Variants in FER1L6 observed in about 807,000 individuals in gnomAD.
FER1L6 encodes the protein fer-1-like protein 6.
Under a neutral mutation model 219.2 loss-of-function variants are expected in FER1L6, and 177 were observed. The ratio of observed to expected loss-of-function variants is 0.81; its 90% CI spans 0.71 to 0.91. The LOEUF (loss-of-function observed/expected upper bound fraction) is 0.91. FER1L6 is among the 40% of genes least tolerant of loss of function. The pLI is 0.00. For missense variants in FER1L6, 2,153 were observed against 2,259.9 expected (o/e 0.95, Z 0.96); for synonymous variants, 768 against 824.3 (o/e 0.93, Z 1.17).
chr8:124,045,242 T>G (rs193105690), intron 20 of FER1L6, among the ~76,000 whole-genome samples: 3 of 152,098 alleles, frequency 2.0e-5, no homozygotes, highest in Admixed American at 2.0e-4. Context: ...ATGGCGAGAG[T>G]GGGTGAGGTT....
At chr8:124,058,224 G>T (rs910027124) in intron 22 of FER1L6, among the ~76,000 whole-genome samples, 1 of 152,126 alleles carries the variant, frequency 6.6e-6, no homozygotes, top group Non-Finnish European at 1.5e-5. Context: ...CCCTAAGAGT[G>T]AGTGCCTCCT....
intron 1 of FER1L6, among the ~76,000 whole-genome samples, chr8:123,945,369 G>A (rs1245324825): frequency 6.6e-6 from 1 of 152,158 alleles, no homozygotes; most frequent in African/African-American, 2.4e-5. Flanking sequence ...GTGCAATGAG[G>A]GAGAGAAGGT....
At chr8:123,954,458 G>A (rs763229950) in intron 1 of FER1L6, among the ~76,000 whole-genome samples, 1 of 152,106 alleles carries the variant, frequency 6.6e-6, no homozygotes, top group South Asian at 2.1e-4. Flanking sequence ...GACATACATT[G>A]AATAAGTGAG....
intron 1 of FER1L6, among the ~76,000 whole-genome samples, chr8:123,866,363 C>A (rs764194507): frequency 1.3e-5 from 2 of 151,552 alleles, no homozygotes; most frequent in African/African-American, 4.9e-5. Context: ...TATATATACA[C>A]ACTACATTTT....
chr8:123,988,131 C>T (rs1000224177), intron 12 of FER1L6, among the ~76,000 whole-genome samples: 1 of 146,166 alleles, frequency 6.8e-6, no homozygotes, highest in Non-Finnish European at 1.5e-5. Flanking sequence ...AAAAAGAGTT[C>T]AGTATAGATG....
intron 12 of FER1L6, among the ~76,000 whole-genome samples, chr8:123,991,703 C>G (rs1240591816): frequency 6.6e-6 from 1 of 152,144 alleles, no homozygotes; most frequent in African/African-American, 2.4e-5. Context: ...TGCCTGATTG[C>G]TCTGGTTAGG....
intron 13 of FER1L6, among the ~76,000 whole-genome samples, chr8:124,006,314 A>G (rs1336354772): frequency 6.6e-6 from 1 of 152,152 alleles, no homozygotes; most frequent in African/African-American, 2.4e-5. Flanking sequence ...TGCACCTCAT[A>G]TCAGTGCTGT....
Position 124,097,252 on chromosome 8 carries a change from TA to T in FER1L6, c.4696-18del, listed in dbSNP as rs1376891267. 4.4e-6 allele frequency: 7 copies of T among 1,599,388 alleles called. No homozygotes were observed. Among genetic ancestry groups the T allele is most frequent in the Non-Finnish European group, 6.0e-6 (7 of 1,167,370 alleles). On this transcript the variant is annotated intron_variant, in intron 35 of 40. Transcript: ENST00000522917. ...AGCCCCCTCCCAAAGCTAAAGAAGA[TA>T]TTTTTTTTCTTAACAAGGGCCGCCT...
intron 22 of FER1L6, among the ~76,000 whole-genome samples, chr8:124,055,538 C>T (rs903892067): frequency 1.3e-5 from 2 of 152,148 alleles, no homozygotes; most frequent in African/African-American, 4.8e-5. Flanking sequence ...GCCTTCTTTT[C>T]CATTCTCCAT....
chr8:124,051,787 TCTA>T (rs752248216), intron 22 of FER1L6, among the ~76,000 whole-genome samples: 7 of 152,178 alleles, frequency 4.6e-5, no homozygotes, highest in Non-Finnish European at 8.8e-5. Flanking sequence ...CCTGCCCAGG[TCTA>T]CAGCCTTGGG....
chr8:124,079,204 A>G (rs1586677367), intron 32 of FER1L6, among the ~76,000 whole-genome samples: 2 of 152,076 alleles, frequency 1.3e-5, no homozygotes, highest in African/African-American at 4.8e-5. Flanking sequence ...CATCCTAATG[A>G]CCTCATTATA....
At chr8:124,115,582 C>T (rs1823213072) in intron 39 of FER1L6, among the ~76,000 whole-genome samples, 1 of 152,130 alleles carries the variant, frequency 6.6e-6, no homozygotes, top group African/African-American at 2.4e-5. Flanking sequence ...TTTTCTGGTA[C>T]TTTCTCTATG....
intron 13 of FER1L6, among the ~76,000 whole-genome samples, chr8:124,007,243 CT>C (rs1346284197): frequency 6.6e-6 from 1 of 152,094 alleles, no homozygotes; most frequent in Non-Finnish European, 1.5e-5. Context: ...TTCTCTTTAG[CT>C]TTTTGGAATG....
chr8:123,981,111 A>G (rs755393787), intron 11 of FER1L6, among the ~76,000 whole-genome samples: 66 of 152,128 alleles, frequency 4.3e-4, no homozygotes, highest in Non-Finnish European at 7.8e-4. Flanking sequence ...GTGGTACGGG[A>G]TTGATTAAAC....
chr8:124,082,551 G>A (rs1821604675), intron 33 of FER1L6, 93 bp downstream of exon 33: 1 of 1,218,938 alleles, frequency 8.2e-7, no homozygotes, highest in East Asian at 2.4e-5. Flanking sequence ...CCATCTCTAG[G>A]AAGGCCAGAC....
chr8:124,028,412 A>G (rs1222359356), intron 18 of FER1L6, among the ~76,000 whole-genome samples: 1 of 151,850 alleles, frequency 6.6e-6, no homozygotes, highest in Non-Finnish European at 1.5e-5. Flanking sequence ...ATCTCTCTTT[A>G]TGCCCCTTTC....
chr8:124,000,680 ACT>A (rs1343622014), intron 12 of FER1L6, among the ~76,000 whole-genome samples: 1 of 152,054 alleles, frequency 6.6e-6, no homozygotes, highest in Non-Finnish European at 1.5e-5. Flanking sequence ...TTATTATGTA[ACT>A]CTCCAAATCT....
chr8:123,989,172 C>G (rs1289859467), intron 12 of FER1L6, among the ~76,000 whole-genome samples: 1 of 151,914 alleles, frequency 6.6e-6, no homozygotes, highest in African/African-American at 2.4e-5. Context: ...GGTACAAATC[C>G]CACTTGGTCA....
intron 12 of FER1L6, among the ~76,000 whole-genome samples, chr8:123,992,807 A>G (rs1312324340): frequency 1.3e-5 from 2 of 151,982 alleles, no homozygotes; most frequent in Non-Finnish European, 2.9e-5. Context: ...TGGGTTGTCA[A>G]TTTGTGATCT....
Sources: gnomAD v4.1 joint callset for allele counts (sites outside exome capture counted in the v4.1 genomes callset) on GRCh38, gnomAD v4.1.1 for gene constraint, MANE v1.5 for transcripts, NCBI Gene and HGNC (gene_info 2026-07-23, HGNC 2026-07-21) for gene names.